Variants in ABCA1 observed in about 807,000 individuals in gnomAD.
ABCA1 encodes phospholipid-transporting ATPase ABCA1.
Under a neutral mutation model 262.5 loss-of-function variants are expected in ABCA1, and 133 were observed. That is an observed-to-expected ratio of 0.51 (90% CI 0.44 to 0.59). ABCA1 has a LOEUF of 0.59. Ranked by LOEUF, ABCA1 falls within the 20% of genes least tolerant of loss-of-function variation. The pLI is 0.00. For missense variants in ABCA1, 2,452 were observed against 2,777.5 expected (o/e 0.88, Z 2.63); for synonymous variants, 1,022 against 1,043.5 (o/e 0.98, Z 0.40).
At chr9:104,816,988 C>G (rs558853412) in intron 24 of ABCA1, among the ~76,000 whole-genome samples, 32 of 152,260 alleles carry the variant, frequency 2.1e-4, no homozygotes, top group African/African-American at 6.7e-4. Context: ...TGGGCTCTCA[C>G]TCTTCTTATG....
rs557626075 is a variant in ABCA1, at chr9:104,882,028, T to TAAAAAAA, written c.421+1004_421+1010dup. Among the ~76,000 whole-genome samples, 376 of 73,698 alleles carry TAAAAAAA rather than the reference T, an allele frequency of 5.1e-3. 16 individuals are homozygous for TAAAAAAA. Among genetic ancestry groups the TAAAAAAA allele is most frequent in the African/African-American group, 0.013 (255 of 20,388 alleles). 48.3% of individuals were successfully genotyped at this position (73,698 alleles called of 152,430 possible). A position where few individuals can be genotyped will look rare whatever the true frequency, so the allele number is the denominator to read the frequency against. On this transcript the variant is annotated intron_variant, in intron 5 of 49. Coordinates refer to ENST00000374736, the MANE Select transcript of ABCA1 (RefSeq NM_005502.4). ...CAAGGAAAGCACAGTTCTGTAGCCT[T>TAAAAAAA]AAAAAAAAAAAAAAAAAAAAAAAAA...
chr9:104,873,534 G>T (rs571213874), intron 5 of ABCA1, among the ~76,000 whole-genome samples: 12 of 152,304 alleles, frequency 7.9e-5, no homozygotes, highest in African/African-American at 2.9e-4. Flanking sequence ...TGACTTTAGG[G>T]AAGCTTCTGG....
rs1011696174 is a variant in ABCA1 at position 104,784,158 on chromosome 9, T to C, written c.*157A>G. Reference sequence around the variant, plus strand: ...CCCCTGTAATGGAATTTTGTTTTCATTGCATTGAATTGCATTGCATTGAAT... The same window carrying C: ...CCCCTGTAATGGAATTTTGTTTTCACTGCATTGAATTGCATTGCATTGAAT... On this transcript the variant is annotated 3_prime_UTR_variant, in exon 50 of 50. Coordinates refer to ENST00000374736, the MANE Select transcript of ABCA1 (RefSeq NM_005502.4). 1.6e-4 allele frequency: 150 copies of C among 920,440 alleles called. No homozygotes were observed. Among genetic ancestry groups the C allele is most frequent in the Non-Finnish European group, 2.2e-4 (130 of 602,304 alleles). 57.0% of individuals were successfully genotyped at this position (920,440 alleles called of 1,614,324 possible). A position where few individuals can be genotyped will look rare whatever the true frequency, so the allele number is the denominator to read the frequency against.
intron 6 of ABCA1, 172 bp downstream of exon 6, chr9:104,861,506 TG>T (rs1836382835): frequency 1.1e-6 from 1 of 872,180 alleles, no homozygotes; most frequent in South Asian, 1.5e-5. Flanking sequence ...CACTCCTGGA[TG>T]GTTTGGCAAT....
intron 15 of ABCA1, among the ~76,000 whole-genome samples, chr9:104,827,629 C>T (rs761457261): frequency 6.6e-6 from 1 of 152,196 alleles, no homozygotes; most frequent in Non-Finnish European, 1.5e-5. Flanking sequence ...ATCATCCAAA[C>T]TCTTGTGGAT....
chr9:104,820,764 G>C (rs919151846), intron 20 of ABCA1, among the ~76,000 whole-genome samples: 2 of 115,126 alleles, frequency 1.7e-5, no homozygotes, highest in African/African-American at 9.0e-5. Flanking sequence ...GGAGGGTGGC[G>C]GGGGAGAGGA....
chr9:104,849,997 T>C (rs1835234033), intron 7 of ABCA1, among the ~76,000 whole-genome samples: 1 of 152,250 alleles, frequency 6.6e-6, no homozygotes, highest in Non-Finnish European at 1.5e-5. Flanking sequence ...AGACAAGAGT[T>C]ATCTCTGAAG....
At chr9:104,872,521 C>A (rs1293571462) in intron 5 of ABCA1, among the ~76,000 whole-genome samples, 2 of 152,308 alleles carry the variant, frequency 1.3e-5, no homozygotes, top group South Asian at 4.2e-4. Context: ...ATTACCCTTT[C>A]GAGCCTCGGT....
At chr9:104,805,926 G>A (rs12344798) in intron 31 of ABCA1, among the ~76,000 whole-genome samples, 13,273 of 152,166 alleles carry the variant, frequency 0.087, 1,468 homozygotes, top group African/African-American at 0.26. Flanking sequence ...CCAACACGGC[G>A]AAACCCTATC....
At position 104,796,186 on chromosome 9, in the gene ABCA1, G is replaced by A. The variant is rs1829880546; in HGVS notation, c.5249C>T (p.Thr1750Ile). The change falls in exon 39 of 50, where the codon ACA (threonine) becomes ATA (isoleucine). Residue 1750 changes from threonine (T) to isoleucine (I), a missense_variant. By Grantham distance (89) the Thr-to-Ile change is moderately conservative. This residue lies in a region of ABCA1 where 752 missense variants were observed against 944.5 expected (regional missense o/e 0.80). Transcript: ENST00000374736. ...AAAGGAGGCTGGGTACATGAGAGGT[G>A]TGATTGACCACCTGTTGAGACACAA... ...LLLLLYGWSI[T>I]PLMYPASFVF... 2 of 1,614,052 alleles carry A rather than the reference G, an allele frequency of 1.2e-6. No individual in the cohort carries two copies. The highest frequency in any genetic ancestry group is 1.3e-5 in the African/African-American group (1 of 74,928).
chr9:104,864,442 T>G (rs1029538656), intron 5 of ABCA1, among the ~76,000 whole-genome samples: 3 of 152,026 alleles, frequency 2.0e-5, no homozygotes, highest in African/African-American at 7.3e-5. Flanking sequence ...TGAGGACTGG[T>G]GTGAAAAGGT....
chr9:104,903,493 C>CAATGGA, intron 2 of ABCA1, 121 bp downstream of exon 2: 1 of 1,053,642 alleles, frequency 9.5e-7, no homozygotes, highest in South Asian at 1.4e-5. Context: ...GAGCCAGATT[C>CAATGGA]CATCAATCCC....
intron 5 of ABCA1, among the ~76,000 whole-genome samples, chr9:104,868,371 A>C (rs1262382791): frequency 6.6e-6 from 1 of 152,166 alleles, no homozygotes; most frequent in Non-Finnish European, 1.5e-5. Flanking sequence ...AACAAACAAA[A>C]AAAACGGGGC....
chr9:104,858,448 T>A, intron 7 of ABCA1, 74 bp downstream of exon 7: 1 of 1,475,466 alleles, frequency 6.8e-7, no homozygotes, highest in South Asian at 1.1e-5. Context: ...AACAAAGTCA[T>A]GCTGTCCAAG....
At chr9:104,804,308 T>C (rs1830584148) in intron 32 of ABCA1, among the ~76,000 whole-genome samples, 1 of 152,222 alleles carries the variant, frequency 6.6e-6, no homozygotes, top group African/African-American at 2.4e-5. Flanking sequence ...GCAACATTAA[T>C]ATCACAATTT....
intron 43 of ABCA1, 106 bp downstream of exon 43, chr9:104,791,829 GA>G: frequency 9.2e-7 from 1 of 1,087,734 alleles, no homozygotes; most frequent in South Asian, 1.3e-5. Context: ...CATAAATACA[GA>G]AGCCTTTAAA....
intron 25 of ABCA1, among the ~76,000 whole-genome samples, chr9:104,815,351 TA>T (rs1284561574): frequency 1.3e-5 from 2 of 152,244 alleles, no homozygotes; most frequent in East Asian, 3.8e-4. Context: ...TTAGTATGTT[TA>T]TTTTTAATAA....
At position 104,806,265 on chromosome 9, in the gene ABCA1, C is replaced by T. The variant is rs41494750; in HGVS notation, c.4440G>A (p.Gly1480=). 6.2e-7 allele frequency: 1 copy of T among 1,613,508 alleles called. No homozygotes were observed. Among genetic ancestry groups the T allele is most frequent in the African/African-American group, 1.3e-5 (1 of 75,006 alleles). Reference sequence around the variant, plus strand: ...CTTGTGGAGGAGGCAGCCCCCCTGCCCCTGGGGGACACACAGGCAGCATCT... The same window carrying T: ...CTTGTGGAGGAGGCAGCCCCCCTGCTCCTGGGGGACACACAGGCAGCATCT... ...IKKMLPVCPP[G]AGGLPPPQRK... is the part of the protein sequence containing the mutation. Residue 1480 remains glycine, a synonymous_variant, in exon 31 of 50, where the codon GGG becomes GGA. Coordinates refer to ENST00000374736, the MANE Select transcript of ABCA1 (RefSeq NM_005502.4).
Position 104,898,738 on chromosome 9 carries a change from C to T in ABCA1, c.66+4876G>A, listed in dbSNP as rs1015588618. 2.8e-4 allele frequency among the ~76,000 whole-genome samples: 43 copies of T among 152,106 alleles called. 1 individual carries two copies. The highest frequency in any genetic ancestry group is 2.8e-3 in the Admixed American group (42 of 15,262). On this transcript the variant is annotated intron_variant, in intron 2 of 49. Transcript: ENST00000374736. ...TGTTCCCTGACCTAGGGGACAGGCACCCCCAGTCTCTCTGCCTGGAATGGA... is the reference window on the plus strand; with the variant it reads ...TGTTCCCTGACCTAGGGGACAGGCATCCCCAGTCTCTCTGCCTGGAATGGA...
Sources: gnomAD v4.1 joint callset for allele counts (sites outside exome capture counted in the v4.1 genomes callset) on GRCh38, gnomAD v4.1.1 for gene constraint, gnomAD v4.1.1 regional missense constraint, MANE v1.5 for transcripts, NCBI Gene and HGNC (gene_info 2026-07-23, HGNC 2026-07-21) for gene names.